The following PARD3 variants were observed in gnomAD, a reference collection of about 807,000 sequenced individuals.
The protein encoded by PARD3 is partitioning defective 3 homolog.
Under a neutral mutation model 155.4 loss-of-function variants are expected in PARD3, and 75 were observed. The observed-to-expected ratio is 0.48, with a 90% CI of 0.40 to 0.58. The LOEUF is 0.58. PARD3 is among the 20% of genes least tolerant of loss of function. PARD3 has a pLI of 0.00. For missense variants in PARD3, 1,642 were observed against 1,721.7 expected (o/e 0.95, Z 0.82); for synonymous variants, 576 against 610.5 (o/e 0.94, Z 0.83).
At chr10:34,252,414 G>A (rs575001440) in intron 22 of PARD3, among the ~76,000 whole-genome samples, 9 of 152,052 alleles carry the variant, frequency 5.9e-5, no homozygotes, top group African/African-American at 2.2e-4. Flanking sequence ...TCCCTTCCCC[G>A]TTGCTCTCCT....
At chr10:34,413,932 G>T (rs541123083) in intron 5 of PARD3, among the ~76,000 whole-genome samples, 2 of 152,264 alleles carry the variant, frequency 1.3e-5, no homozygotes, top group South Asian at 4.1e-4. Context: ...TAATTGACAA[G>T]GTCAAAGAGA....
In PARD3 at chr10:34,119,754, A is replaced by G. The variant is rs562990761; in HGVS notation, c.3541-14T>C. ...CCGTGCGTTCGGCTGGAAGAGGAAA[A>G]TACAAGCACATCGTTAACCAGAAAG... On this transcript the variant is annotated splice_polypyrimidine_tract_variant and intron_variant, in intron 23 of 24. Transcript: ENST00000374788. The G allele has an allele frequency of 6.2e-7, 1 of 1,606,722 alleles. No individual in the cohort carries two copies. Among genetic ancestry groups the G allele is most frequent in the East Asian group, 2.2e-5 (1 of 44,696 alleles).
intron 22 of PARD3, among the ~76,000 whole-genome samples, chr10:34,187,176 C>T (rs940532606): frequency 6.6e-6 from 1 of 152,112 alleles, no homozygotes; most frequent in East Asian, 1.9e-4. Context: ...TAAAGAACTG[C>T]CCTTGAAAGC....
chr10:34,327,204 A>G (rs1017315319), intron 19 of PARD3, among the ~76,000 whole-genome samples: 1 of 152,194 alleles, frequency 6.6e-6, no homozygotes, highest in Non-Finnish European at 1.5e-5. Flanking sequence ...CAGATTGTCA[A>G]TGCCCTGACC....
chr10:34,336,908 C>T (rs1222622907), intron 17 of PARD3, among the ~76,000 whole-genome samples: 4 of 152,038 alleles, frequency 2.6e-5, no homozygotes, highest in Non-Finnish European at 4.4e-5. Context: ...ATTTTCTCTT[C>T]TAGTTCAAAA....
At chr10:34,257,140 C>T (rs927388671) in intron 22 of PARD3, among the ~76,000 whole-genome samples, 1 of 152,010 alleles carries the variant, frequency 6.6e-6, no homozygotes, top group Non-Finnish European at 1.5e-5. Context: ...CTTAGGGTAC[C>T]CAAGGAAAAG....
intron 22 of PARD3, among the ~76,000 whole-genome samples, chr10:34,161,432 C>T (rs1033639116): frequency 1.6e-4 from 24 of 152,102 alleles, no homozygotes; most frequent in African/African-American, 5.5e-4. Flanking sequence ...TGACCTAGGG[C>T]ACTTGGATCA....
At chr10:34,804,016 A>T (rs1220763766) in intron 1 of PARD3, among the ~76,000 whole-genome samples, 1 of 147,970 alleles carries the variant, frequency 6.8e-6, no homozygotes, top group Non-Finnish European at 1.5e-5. Flanking sequence ...GCACTTAGGG[A>T]TCTACTTGAT....
intron 22 of PARD3, among the ~76,000 whole-genome samples, chr10:34,248,996 C>T (rs997482052): frequency 6.6e-6 from 1 of 152,150 alleles, no homozygotes; most frequent in Non-Finnish European, 1.5e-5. Context: ...AATTCTCCAT[C>T]AGTAGATATT....
intron 2 of PARD3, among the ~76,000 whole-genome samples, chr10:34,530,680 G>C (rs754212448): frequency 6.6e-6 from 1 of 152,110 alleles, no homozygotes; most frequent in Admixed American, 6.6e-5. Context: ...TGTTATTTGG[G>C]ATTTACTGGC....
intron 5 of PARD3, 65 bp from the exon 6 acceptor site, chr10:34,401,982 A>C: frequency 7.9e-7 from 1 of 1,260,138 alleles, no homozygotes; most frequent in Non-Finnish European, 1.2e-6. Context: ...ATGTGAAAGG[A>C]AACTGGATAA....
At chr10:34,382,998 T>C (rs1018104674) in intron 8 of PARD3, 76 bp from the exon 9 acceptor site, 3 of 1,464,870 alleles carry the variant, frequency 2.0e-6, no homozygotes, top group Non-Finnish European at 2.8e-6. Context: ...TAATTAAGTT[T>C]ACTAATTAAG....
intron 6 of PARD3, among the ~76,000 whole-genome samples, chr10:34,401,031 G>A (rs17473994): frequency 0.022 from 3,369 of 152,172 alleles, 44 homozygotes; most frequent in Middle Eastern, 0.051. Flanking sequence ...CATTCAAACA[G>A]CATCTGACTC....
intron 2 of PARD3, among the ~76,000 whole-genome samples, chr10:34,653,307 CT>C (rs774873667): frequency 2.6e-5 from 4 of 152,162 alleles, no homozygotes; most frequent in Non-Finnish European, 5.9e-5. Context: ...TCTAGAGCCC[CT>C]GACTCACATC....
intron 21 of PARD3, among the ~76,000 whole-genome samples, chr10:34,281,716 C>T (rs905418731): frequency 1.3e-5 from 2 of 151,948 alleles, no homozygotes; most frequent in African/African-American, 4.8e-5. Context: ...ATATTCATAG[C>T]CCTTTTAGTT....
At chr10:34,757,225 T>C (rs773427534) in intron 1 of PARD3, among the ~76,000 whole-genome samples, 3 of 152,230 alleles carry the variant, frequency 2.0e-5, no homozygotes, top group Admixed American at 6.5e-5. Flanking sequence ...ACAGTGATCA[T>C]GACTGAAAAT....
intron 2 of PARD3, among the ~76,000 whole-genome samples, chr10:34,552,446 G>A (rs1450691505): frequency 1.3e-5 from 2 of 152,162 alleles, no homozygotes; most frequent in South Asian, 2.1e-4. Context: ...AGTGGCTCAC[G>A]CCTGTAATCC....
intron 2 of PARD3, among the ~76,000 whole-genome samples, chr10:34,518,612 A>G (rs974141231): frequency 6.6e-6 from 1 of 152,226 alleles, no homozygotes; most frequent in African/African-American, 2.4e-5. Context: ...ACTAAAATCC[A>G]TGAGTCCATA....
intron 1 of PARD3, among the ~76,000 whole-genome samples, chr10:34,705,342 G>T (rs565574760): frequency 1.3e-5 from 2 of 152,116 alleles, no homozygotes; most frequent in African/African-American, 4.8e-5. Flanking sequence ...TTTTTAATTA[G>T]CTGGGCATGG....
Sources: gnomAD v4.1 joint callset for allele counts (sites outside exome capture counted in the v4.1 genomes callset) on GRCh38, gnomAD v4.1.1 for gene constraint, MANE v1.5 for transcripts, NCBI Gene and HGNC (gene_info 2026-07-23, HGNC 2026-07-21) for gene names.